The following RAB11FIP4 variants were observed in gnomAD, a reference collection of about 807,000 sequenced individuals.
RAB11FIP4 encodes rab11 family-interacting protein 4.
In RAB11FIP4, 23 loss-of-function variants were observed where a neutral mutation model predicts 74.3. The ratio of observed to expected loss-of-function variants is 0.31; its 90% CI spans 0.22 to 0.44. The LOEUF is 0.44. RAB11FIP4 is among the 20% of genes least tolerant of loss of function. RAB11FIP4 has a pLI of 1.00. For synonymous variants in RAB11FIP4, 360 were observed against 359.9 expected (o/e 1.00, Z 0.00); for missense variants, 630 against 863.9 (o/e 0.73, Z 3.39).
At position 31,397,686 on chromosome 17, in the gene RAB11FIP4, G is replaced by A. The variant is rs144253820; in HGVS notation, c.159+5675G>A. On this transcript the variant is annotated intron_variant, in intron 1 of 14. Transcript: ENST00000621161. ...GGTTGGAGGTCATCATGGAAGTGGG[G>A]CCAGGGCTGGGGATCCCTTGGGGCC... 7.4e-3 allele frequency among the ~76,000 whole-genome samples: 1,132 copies of A among 152,248 alleles called. 12 individuals carry two copies. The highest frequency in any genetic ancestry group is 0.024 in the African/African-American group (998 of 41,548).
At chr17:31,528,965 T>C (rs1291840821) in intron 13 of RAB11FIP4, among the ~76,000 whole-genome samples, 187 bp downstream of exon 13, 1 of 152,172 alleles carries the variant, frequency 6.6e-6, no homozygotes, top group East Asian at 1.9e-4. Flanking sequence ...CAAAGATCTC[T>C]CCCTTACGTC....
chr17:31,422,202 G>A (rs2071206901), intron 1 of RAB11FIP4, among the ~76,000 whole-genome samples: 1 of 152,276 alleles, frequency 6.6e-6, no homozygotes, highest in Non-Finnish European at 1.5e-5. Context: ...AAGTATTATA[G>A]TTTGTTTAAT....
intron 3 of RAB11FIP4, among the ~76,000 whole-genome samples, chr17:31,439,177 C>T (rs1173310737): frequency 6.6e-6 from 1 of 152,192 alleles, no homozygotes; most frequent in African/African-American, 2.4e-5. Context: ...CAGCAAGCAT[C>T]GTTATCCATG....
Position 31,528,647 on chromosome 17 carries a change from G to A in RAB11FIP4, c.1522G>A (p.Glu508Lys). The change falls in exon 13 of 15, where the codon GAG becomes AAG. Residue 508 changes from glutamate (E) to lysine (K), a missense_variant. Transcript: ENST00000621161. ...ELIEDLRKELEHLQMYKLDCE... is the reference protein window; with the variant it reads ...ELIEDLRKELKHLQMYKLDCE... ...CATCGAGGACTTGCGGAAGGAGCTGGAGCACCTGCAGATGTACAAGCTGGA... is the reference window on the plus strand; with the variant it reads ...CATCGAGGACTTGCGGAAGGAGCTGAAGCACCTGCAGATGTACAAGCTGGA... 1 of 1,613,570 alleles carries A rather than the reference G, an allele frequency of 6.2e-7. No individual in the cohort carries two copies.
Position 31,465,367 on chromosome 17 carries a change from TA to T in RAB11FIP4, c.336+31247del, listed in dbSNP as rs1597932682. Among the ~76,000 whole-genome samples the T allele has an allele frequency of 5.9e-5, 9 of 152,170 alleles. No individual in the cohort carries two copies. The East Asian group carries it at 1.7e-3, about 29-fold the overall frequency. ...AATCTGCATCCTTAGCACGCTCCCC[TA>T]ACCAAAGTTCTAGAATGACTGCTGT... On this transcript the variant is annotated intron_variant, in intron 3 of 14. Coordinates refer to ENST00000621161, the MANE Select transcript of RAB11FIP4 (RefSeq NM_032932.6).
chr17:31,505,605 A>T (rs1454006060), intron 3 of RAB11FIP4, among the ~76,000 whole-genome samples: 6 of 51,802 alleles, frequency 1.2e-4, no homozygotes, highest in Admixed American at 3.5e-4. Context: ...ATTATATAAT[A>T]ATAATTATAT....
rs1289996870 is a variant in RAB11FIP4 at position 31,488,145 on chromosome 17, G to T, written c.337-29506G>T. 7 of 1,050,874 alleles carry T rather than the reference G, an allele frequency of 6.7e-6. No homozygotes were observed. The East Asian group carries it at 5.1e-4, about 76-fold the overall frequency. 65.1% of individuals were successfully genotyped at this position (1,050,874 alleles called of 1,614,324 possible). On this transcript the variant is annotated intron_variant, in intron 3 of 14. Transcript: ENST00000621161. ...AAGTGCGAGCGGCAGCGGCGCGGCC[G>T]CGATTGTTCCTGCGCTTCGGGGCTG...
At chr17:31,527,223 A>G (rs966658334) in intron 10 of RAB11FIP4, 2 of 152,288 alleles carry the variant, frequency 1.3e-5, no homozygotes, top group Admixed American at 6.5e-5. Flanking sequence ...TAGCAGAAAG[A>G]CATCCCCGTG....
At chr17:31,506,981 T>C (rs2072362343) in intron 3 of RAB11FIP4, among the ~76,000 whole-genome samples, 1 of 152,190 alleles carries the variant, frequency 6.6e-6, no homozygotes, top group South Asian at 2.1e-4. Flanking sequence ...GATTGTTCTA[T>C]TAATACTTAC....
At position 31,430,336 on chromosome 17, in the gene RAB11FIP4, G is replaced by A. The variant is rs182904583; in HGVS notation, c.160-1477G>A. 4.5e-3 allele frequency among the ~76,000 whole-genome samples: 674 copies of A among 150,916 alleles called. 4 individuals are homozygous for A. The highest frequency in any genetic ancestry group is 0.017 in the Middle Eastern group (5 of 294). ...CAGATCACATGGGGCCTTGTGGGCC[G>A]TGTTGTGGAGTTTGGATTTTTTTTT... On this transcript the variant is annotated intron_variant, in intron 1 of 14. Coordinates refer to ENST00000621161, the MANE Select transcript of RAB11FIP4 (RefSeq NM_032932.6).
intron 3 of RAB11FIP4, among the ~76,000 whole-genome samples, chr17:31,446,747 G>A (rs1358246684): frequency 6.6e-6 from 1 of 152,144 alleles, no homozygotes; most frequent in Non-Finnish European, 1.5e-5. Flanking sequence ...ACCTGTGCCC[G>A]AGGGAGATAC....
rs539994788 is a variant in RAB11FIP4, at chr17:31,490,662, A to G, written c.337-26989A>G. The stretch of plus-strand genomic sequence containing the variant: ...CCTCCCACCCTCCCAGGCTCAAGCA[A>G]TCTTCCCACCTCAGTCTCAGCTGGG... On this transcript the variant is annotated intron_variant, in intron 3 of 14. Coordinates refer to ENST00000621161, the MANE Select transcript of RAB11FIP4 (RefSeq NM_032932.6). 7.0e-4 allele frequency among the ~76,000 whole-genome samples: 107 copies of G among 152,068 alleles called. 1 individual carries two copies. Among genetic ancestry groups the G allele is most frequent in the Middle Eastern group, 3.4e-3 (1 of 294 alleles).
At chr17:31,530,096 C>T (rs1299656538) in intron 13 of RAB11FIP4, among the ~76,000 whole-genome samples, 1 of 152,242 alleles carries the variant, frequency 6.6e-6, no homozygotes, top group Non-Finnish European at 1.5e-5. Context: ...AACTCCTCCA[C>T]AAACCCTGTG....
chr17:31,408,519 A>AT (rs1476284170), intron 1 of RAB11FIP4, among the ~76,000 whole-genome samples: 1 of 152,114 alleles, frequency 6.6e-6, no homozygotes, highest in Non-Finnish European at 1.5e-5. Context: ...AATATAATTG[A>AT]TTTTTTGTAA....
chr17:31,444,505 G>T (rs938738386), intron 3 of RAB11FIP4, among the ~76,000 whole-genome samples: 2 of 152,106 alleles, frequency 1.3e-5, no homozygotes, highest in Non-Finnish European at 2.9e-5. Context: ...AGCCCCTTTT[G>T]TTCGTTGCCT....
Position 31,523,509 on chromosome 17 carries a change from C to T in RAB11FIP4, c.930-3C>T, listed in dbSNP as rs1341254074. On this transcript the variant is annotated splice_polypyrimidine_tract_variant and splice_region_variant and intron_variant, in intron 7 of 14. Coordinates refer to ENST00000621161, the MANE Select transcript of RAB11FIP4 (RefSeq NM_032932.6). ...GCCAGACACCCTCCTCCCACCCCTG[C>T]AGGCAGCTCATGCACAGCAGCAACT... 3.1e-6 allele frequency: 5 copies of T among 1,613,448 alleles called. No individual in the cohort carries two copies. Among genetic ancestry groups the T allele is most frequent in the Non-Finnish European group, 4.2e-6 (5 of 1,179,424 alleles).
At chr17:31,468,745 G>A (rs939337883) in intron 3 of RAB11FIP4, among the ~76,000 whole-genome samples, 4 of 151,910 alleles carry the variant, frequency 2.6e-5, no homozygotes, top group Non-Finnish European at 5.9e-5. Flanking sequence ...CAGGAGAATC[G>A]CTTGAACCCA....
At chr17:31,504,891 G>A (rs1216190031) in intron 3 of RAB11FIP4, among the ~76,000 whole-genome samples, 4 of 152,162 alleles carry the variant, frequency 2.6e-5, no homozygotes, top group South Asian at 4.1e-4. Flanking sequence ...AGTGGCATCC[G>A]CATCACCCGA....
rs2072843205 is a variant in RAB11FIP4 at position 31,530,227 on chromosome 17, GC to G, written c.1654-98del. ...CGTGACACACACCTGTGGGAATGGC[GC>G]TGGCGGCAGGTCGGGGACGGTGGAT... On this transcript the variant is annotated intron_variant, in intron 13 of 14. Coordinates refer to ENST00000621161, the MANE Select transcript of RAB11FIP4 (RefSeq NM_032932.6). 2.0e-6 allele frequency: 3 copies of G among 1,463,422 alleles called. No homozygotes were observed. In the South Asian group the frequency reaches 3.7e-5, roughly 18 times the overall value. The allele number at this position is 1,463,422 out of a possible 1,614,324, so 90.7% of individuals were successfully genotyped here. A position where few individuals can be genotyped will look rare whatever the true frequency, so the allele number is the denominator to read the frequency against.
Sources: allele counts gnomAD v4.1 joint callset (sites outside exome capture counted in the v4.1 genomes callset), GRCh38; gene constraint gnomAD v4.1.1; transcripts MANE v1.5; gene names NCBI Gene and HGNC (gene_info 2026-07-23, HGNC 2026-07-21).